Variants in STPG2 observed in about 807,000 individuals in gnomAD.
STPG2 encodes sperm-tail PG-rich repeat-containing protein 2.
Under a neutral mutation model 54.2 loss-of-function variants are expected in STPG2, and 56 were observed. The ratio of observed to expected loss-of-function variants is 1.03; its 90% CI spans 0.83 to 1.29. STPG2 has a LOEUF of 1.29. STPG2 is among the 50% of genes most tolerant of loss of function. The pLI is 0.00. For synonymous variants in STPG2, 200 were observed against 181.8 expected (o/e 1.10, Z -0.81); for missense variants, 596 against 544.9 (o/e 1.09, Z -0.93).
intron 4 of STPG2, among the ~76,000 whole-genome samples, chr4:97,452,507 G>A (rs1465245801): frequency 6.6e-6 from 1 of 152,112 alleles, no homozygotes; most frequent in Non-Finnish European, 1.5e-5. Flanking sequence ...TGGACCAGTT[G>A]GCATGTACTT....
chr4:98,003,431 G>A (rs1345738658), intron 5 of STPG2, among the ~76,000 whole-genome samples: 2 of 151,602 alleles, frequency 1.3e-5, no homozygotes, highest in African/African-American at 2.4e-5. Flanking sequence ...AAAACACATT[G>A]AGCTGGGAAA....
At chr4:97,898,814 A>G (rs1731057765) in intron 8 of STPG2, among the ~76,000 whole-genome samples, 1 of 151,766 alleles carries the variant, frequency 6.6e-6, no homozygotes, top group Non-Finnish European at 1.5e-5. Context: ...ATGATGAGCA[A>G]AATTCGTATC....
intron 10 of STPG2, among the ~76,000 whole-genome samples, chr4:97,610,181 G>C (rs533533606): frequency 5.8e-4 from 89 of 152,172 alleles, no homozygotes; most frequent in Admixed American, 2.2e-3. Flanking sequence ...ATTAGGATGA[G>C]TGGCCAGGCA....
At chr4:97,925,491 C>T (rs1341492996) in intron 8 of STPG2, among the ~76,000 whole-genome samples, 1 of 152,142 alleles carries the variant, frequency 6.6e-6, no homozygotes, top group Non-Finnish European at 1.5e-5. Flanking sequence ...ATCTAAAATC[C>T]TTTACTTGTA....
chr4:97,977,716 G>A (rs1734542924), intron 6 of STPG2, among the ~76,000 whole-genome samples: 1 of 152,188 alleles, frequency 6.6e-6, no homozygotes, highest in Admixed American at 6.5e-5. Context: ...GACTGAAGGG[G>A]AGAAGAGTGA....
intron 5 of STPG2, among the ~76,000 whole-genome samples, chr4:98,050,046 G>C (rs1446559571): frequency 1.3e-5 from 2 of 152,104 alleles, no homozygotes; most frequent in Non-Finnish European, 2.9e-5. Flanking sequence ...AAGAGATAGA[G>C]AGGAAGCATA....
At chr4:97,793,176 C>T (rs1345258935) in intron 9 of STPG2, among the ~76,000 whole-genome samples, 1 of 151,990 alleles carries the variant, frequency 6.6e-6, no homozygotes, top group African/African-American at 2.4e-5. Context: ...TAAGACTTTC[C>T]TTGCCTACCT....
chr4:97,948,929 A>C (rs1254068949), intron 7 of STPG2, among the ~76,000 whole-genome samples: 1 of 152,022 alleles, frequency 6.6e-6, no homozygotes, highest in Non-Finnish European at 1.5e-5. Flanking sequence ...TGTTAAGTCC[A>C]TGTGTTCTAG....
chr4:97,506,019 CAAAAAAAAAA>C (rs59206485), intron 4 of STPG2, among the ~76,000 whole-genome samples: 7 of 16,920 alleles, frequency 4.1e-4, no homozygotes, highest in African/African-American at 1.2e-3. Context: ...AATAGGAGAC[CAAAAAAAAAA>C]AAAAAAAAAA....
At chr4:97,908,294 G>A (rs1057216264) in intron 8 of STPG2, among the ~76,000 whole-genome samples, 2 of 151,972 alleles carry the variant, frequency 1.3e-5, no homozygotes, top group Non-Finnish European at 2.9e-5. Flanking sequence ...TCAGAGAAAT[G>A]CAAATCAAAA....
At chr4:97,486,897 A>ACACAC (rs1491404362) in intron 4 of STPG2, among the ~76,000 whole-genome samples, 2 of 146,578 alleles carry the variant, frequency 1.4e-5, no homozygotes, top group Admixed American at 6.8e-5. Flanking sequence ...ACACACACAC[A>ACACAC]ATGGAATACT....
chr4:98,106,546 T>C (rs1463003120), intron 4 of STPG2, among the ~76,000 whole-genome samples: 2 of 152,070 alleles, frequency 1.3e-5, no homozygotes, highest in African/African-American at 4.8e-5. Context: ...AATCAGAAAC[T>C]AAATAAGCAG....
intron 7 of STPG2, among the ~76,000 whole-genome samples, chr4:97,965,521 A>G (rs1171353325): frequency 2.0e-5 from 3 of 152,194 alleles, no homozygotes; most frequent in African/African-American, 7.2e-5. Context: ...AACTCTGAGA[A>G]CAGACAGACT....
intron 4 of STPG2, among the ~76,000 whole-genome samples, chr4:97,451,956 G>C (rs1212207052): frequency 1.3e-5 from 2 of 152,134 alleles, no homozygotes; most frequent in African/African-American, 4.8e-5. Flanking sequence ...GGGAGGTGCA[G>C]CCAGGACTGC....
intron 10 of STPG2, among the ~76,000 whole-genome samples, chr4:97,703,814 A>G (rs58084401): frequency 0.02 from 2,944 of 147,360 alleles, 95 homozygotes; most frequent in African/African-American, 0.067. Flanking sequence ...GTGTGTGTGT[A>G]TATATACATA....
At chr4:97,807,887 T>C (rs946484254) in intron 9 of STPG2, among the ~76,000 whole-genome samples, 2 of 152,020 alleles carry the variant, frequency 1.3e-5, no homozygotes, top group Non-Finnish European at 2.9e-5. Context: ...GAGAAAATTT[T>C]GGAAGCATCA....
At chr4:97,496,455 C>T (rs959832254) in intron 4 of STPG2, among the ~76,000 whole-genome samples, 6 of 151,712 alleles carry the variant, frequency 4.0e-5, no homozygotes, top group Admixed American at 6.6e-5. Context: ...ATTTGCTTTT[C>T]AGTCAAATGT....
chr4:97,741,243 C>T (rs10856930), intron 9 of STPG2, among the ~76,000 whole-genome samples: 127,469 of 151,972 alleles, frequency 0.84, 53,624 homozygotes, highest in Middle Eastern at 0.95. Context: ...AACATTAGAC[C>T]TAAAACCATA....
intron 5 of STPG2, among the ~76,000 whole-genome samples, chr4:98,077,575 A>G (rs1312132296): frequency 6.6e-6 from 1 of 152,184 alleles, no homozygotes; most frequent in African/African-American, 2.4e-5. Context: ...CTGAAGCCAA[A>G]AAGTTTGAGA....
Sources: allele counts gnomAD v4.1 joint callset (sites outside exome capture counted in the v4.1 genomes callset), GRCh38; gene constraint gnomAD v4.1.1; transcripts MANE v1.5; gene names NCBI Gene and HGNC (gene_info 2026-07-23, HGNC 2026-07-21).